Variants in CDC25A observed in about 807,000 individuals in gnomAD.
CDC25A encodes M-phase inducer phosphatase 1.
CDC25A carries 17 observed loss-of-function variants against 64.6 expected under a neutral mutation model. That is an observed-to-expected ratio of 0.26 (90% CI 0.18 to 0.39). CDC25A has a LOEUF of 0.39. Among genes scored for constraint, CDC25A ranks in the 10% least tolerant of loss-of-function variants. The pLI, the probability that CDC25A is intolerant of heterozygous loss-of-function variation, is 1.00. For missense variants in CDC25A, 473 were observed against 654.8 expected (o/e 0.72, Z 3.03); for synonymous variants, 229 against 238.6 (o/e 0.96, Z 0.37).
chr3:48,183,022 C>T lies in CDC25A; in HGVS notation c.336G>A (p.Leu112=). The stretch of plus-strand genomic sequence containing the variant: ...TCTTCAGAGCTGGACTACATCCCAA[C>T]AGCTTCTGCTATCAAAGTAAAAAAG... ...MRRIHSLPQK[L]LGCSPALKRS... is the part of the protein sequence containing the mutation. Residue 112 remains leucine (L), a synonymous_variant, in exon 5 of 15, where the codon CTG becomes CTA. Transcript: ENST00000302506. The T allele has an allele frequency of 1.2e-6, 2 of 1,607,580 alleles. No individual in the cohort carries two copies. Among genetic ancestry groups the T allele is most frequent in the South Asian group, 1.1e-5 (1 of 90,920 alleles).
chr3:48,160,757 G>A (rs1296996856), intron 13 of CDC25A, among the ~76,000 whole-genome samples: 1 of 152,146 alleles, frequency 6.6e-6, no homozygotes, highest in East Asian at 1.9e-4. Context: ...AGTATCTGCT[G>A]ATTTTCTCTT....
At chr3:48,185,228 C>T (rs2032805144) in intron 2 of CDC25A, among the ~76,000 whole-genome samples, 1 of 151,694 alleles carries the variant, frequency 6.6e-6, no homozygotes, top group Non-Finnish European at 1.5e-5. Context: ...CCTGGGGCAA[C>T]ATAGTGAGAC....
chr3:48,183,710 T>A, intron 4 of CDC25A, 90 bp downstream of exon 4: 1 of 798,926 alleles, frequency 1.3e-6, no homozygotes, highest in Non-Finnish European at 2.1e-6. Flanking sequence ...CAGTTTTTAC[T>A]CTCTAAATTA....
chr3:48,168,972 TGAG>T (rs1397285734), intron 9 of CDC25A, among the ~76,000 whole-genome samples: 1 of 151,956 alleles, frequency 6.6e-6, no homozygotes, highest in African/African-American at 2.4e-5. Context: ...CTTTATTCAA[TGAG>T]AAGAGGAAGC....
chr3:48,167,958 A>C lies in CDC25A; in HGVS notation c.931-14T>G, dbSNP rs552984663. 19 of 1,474,020 alleles carry C rather than the reference A, an allele frequency of 1.3e-5. No homozygotes were observed. The African/African-American group carries it at 2.4e-4, about 18-fold the overall frequency. 91.3% of individuals were successfully genotyped at this position (1,474,020 alleles called of 1,614,324 possible). A position where few individuals can be genotyped will look rare whatever the true frequency, so the allele number is the denominator to read the frequency against. On this transcript the variant is annotated splice_polypyrimidine_tract_variant and intron_variant, in intron 9 of 14. Coordinates refer to ENST00000302506, the MANE Select transcript of CDC25A (RefSeq NM_001789.3). ...CTGATGAAGAGTCTGTAACAAATCA[A>C]AGGTAGAGAATGAGACAAGGGTTCT...
In CDC25A at chr3:48,163,337, G is replaced by GCT. The variant is rs2106692823; in HGVS notation, c.1322+968_1322+969dup. On this transcript the variant is annotated intron_variant, in intron 13 of 14. Coordinates refer to ENST00000302506, the MANE Select transcript of CDC25A (RefSeq NM_001789.3). Reference sequence around the variant, plus strand: ...AAGAAAGAAAAAGCCAGGTGCAGTGGCTCACGCCTGTAATCCCACTACTTT... The same window carrying GCT: ...AAGAAAGAAAAAGCCAGGTGCAGTGGCTCTCACGCCTGTAATCCCACTACTTT... Among the ~76,000 whole-genome samples, 3 of 151,930 alleles carry GCT rather than the reference G, an allele frequency of 2.0e-5. No individual in the cohort carries two copies. The South Asian group carries it at 6.2e-4, about 32-fold the overall frequency.
At chr3:48,179,685 G>A (rs2032591396) in intron 6 of CDC25A, among the ~76,000 whole-genome samples, 1 of 152,066 alleles carries the variant, frequency 6.6e-6, no homozygotes, top group Admixed American at 6.6e-5. Context: ...TTAAATCCTG[G>A]TTTCCTACTT....
chr3:48,179,118 A>G (rs1349775452), intron 6 of CDC25A, among the ~76,000 whole-genome samples: 1 of 152,130 alleles, frequency 6.6e-6, no homozygotes, highest in Non-Finnish European at 1.5e-5. Context: ...TCACAATATA[A>G]AACAAGTTCT....
chr3:48,160,402 C>A (rs2031702685), intron 13 of CDC25A, among the ~76,000 whole-genome samples: 1 of 146,810 alleles, frequency 6.8e-6, no homozygotes, highest in Non-Finnish European at 1.5e-5. Context: ...AGCCACCGCA[C>A]CCAGTCACCT....
intron 6 of CDC25A, 29 bp from the exon 7 acceptor site, chr3:48,178,017 T>C: frequency 6.3e-7 from 1 of 1,584,808 alleles, no homozygotes; most frequent in Non-Finnish European, 8.6e-7. Flanking sequence ...GGATTAATAA[T>C]GAGAGCTCTG....
intron 13 of CDC25A, among the ~76,000 whole-genome samples, chr3:48,163,048 A>G (rs1208911541): frequency 6.6e-6 from 1 of 151,982 alleles, no homozygotes; most frequent in Non-Finnish European, 1.5e-5. Context: ...TTGGGAGGTC[A>G]AGGCGGGTGG....
chr3:48,162,266 T>TTGTGTGTGTGTAAGTATAACCTTTG (rs2031801689), intron 13 of CDC25A, among the ~76,000 whole-genome samples: 1 of 144,692 alleles, frequency 6.9e-6, no homozygotes, highest in Admixed American at 7.0e-5. Context: ...AGTATAACCT[T>TTGTGTGTGTGTAAGTATAACCTTTG]TGTGTGTGTG....
intron 5 of CDC25A, among the ~76,000 whole-genome samples, chr3:48,182,566 T>C (rs993874227): frequency 1.1e-4 from 16 of 152,342 alleles, no homozygotes; most frequent in African/African-American, 3.8e-4. Flanking sequence ...AAGGACAGCC[T>C]GGGCAGAGCC....
intron 5 of CDC25A, 23 bp downstream of exon 5, chr3:48,182,906 T>G: frequency 1.4e-6 from 2 of 1,476,592 alleles, no homozygotes; most frequent in South Asian, 1.1e-5. Context: ...TGCCTCAGGT[T>G]AGTACATTGA....
chr3:48,159,549 C>G, intron 13 of CDC25A, 94 bp from the exon 14 acceptor site: 1 of 772,396 alleles, frequency 1.3e-6, no homozygotes, highest in Non-Finnish European at 2.3e-6. Context: ...CTAAGTCCCC[C>G]TTATACACAT....
chr3:48,159,142 G>T lies in CDC25A; in HGVS notation c.1435-57C>A, dbSNP rs954927295. ...ACACCTGCCTCACACCCACAACCTG[G>T]TTTCCTCTCTGCCTAGGGCTACAAG... is the stretch of plus-strand genomic sequence containing the variant. On this transcript the variant is annotated intron_variant, in intron 14 of 14. Coordinates refer to ENST00000302506, the MANE Select transcript of CDC25A (RefSeq NM_001789.3). The T allele has an allele frequency of 4.4e-6, 7 of 1,589,912 alleles. No individual in the cohort carries two copies. In the Admixed American group the frequency reaches 1.2e-4, roughly 27 times the overall value.
Position 48,164,384 on chromosome 3 carries a change from C to T in CDC25A, c.1245G>A (p.Lys415=). ...GCTTGCCATCAGTAGGTACAATGGG[C>T]TTCTTCAATAAGAAGTCTTCAACCT... ...EEEVEDFLLK[K]PIVPTDGKRV... Residue 415 remains lysine (K), a synonymous_variant, in exon 13 of 15, where the codon AAG becomes AAA. Transcript: ENST00000302506. 6.2e-7 allele frequency: 1 copy of T among 1,602,186 alleles called. No homozygotes were observed. The highest frequency in any genetic ancestry group is 2.3e-5 in the East Asian group (1 of 43,992).
At chr3:48,180,637 T>C (rs1268157960) in intron 6 of CDC25A, 84 bp downstream of exon 6, 3 of 1,432,318 alleles carry the variant, frequency 2.1e-6, no homozygotes, top group Admixed American at 1.8e-5. Context: ...AGTGCTACTG[T>C]AGTGCCTTCA....
At chr3:48,167,229 G>A (rs2106705545) in intron 10 of CDC25A, among the ~76,000 whole-genome samples, 1 of 152,290 alleles carries the variant, frequency 6.6e-6, no homozygotes, top group Middle Eastern at 3.4e-3. Context: ...ACACATAAGT[G>A]CTTCAATAAA....
Sources: allele counts gnomAD v4.1 joint callset (sites outside exome capture counted in the v4.1 genomes callset), GRCh38; gene constraint gnomAD v4.1.1; transcripts MANE v1.5; gene names NCBI Gene and HGNC (gene_info 2026-07-23, HGNC 2026-07-21).